The following SERPINI1 variants were observed in gnomAD, a reference collection of about 807,000 sequenced individuals.
The protein encoded by SERPINI1 is serpin family I member 1, also known as neuroserpin.
A neutral mutation model predicts 41.1 loss-of-function variants in SERPINI1; 19 were observed. That is an observed-to-expected ratio of 0.46 (90% CI 0.32 to 0.68). SERPINI1 has a LOEUF of 0.68. SERPINI1 is among the 30% of genes least tolerant of loss of function. The probability of loss-of-function intolerance (pLI) is 0.03; values close to 1 mark genes in which losing one functional copy is unlikely to be tolerated. For missense variants in SERPINI1, 460 were observed against 479.2 expected (o/e 0.96, Z 0.37); for synonymous variants, 138 against 156.6 (o/e 0.88, Z 0.89).
chr3:167,771,470 GTATATACATAAGATATCTCTGGAAGA>G (rs1418387302), intron 1 of SERPINI1, among the ~76,000 whole-genome samples: 1 of 152,166 alleles, frequency 6.6e-6, no homozygotes, highest in Non-Finnish European at 1.5e-5. Context: ...TACATATACT[GTATATACATAAGATATCTCTGGAAGA>G]TAACTTTGGT....
chr3:167,810,863 T>C (rs1711850632), intron 6 of SERPINI1, among the ~76,000 whole-genome samples: 1 of 152,190 alleles, frequency 6.6e-6, no homozygotes, highest in African/African-American at 2.4e-5. Flanking sequence ...TCTGTCATAG[T>C]TTAAGTCCTT....
intron 1 of SERPINI1, among the ~76,000 whole-genome samples, chr3:167,786,057 C>G (rs1025643175): frequency 1.3e-5 from 2 of 152,158 alleles, no homozygotes; most frequent in Admixed American, 6.5e-5. Flanking sequence ...CGTAGCTCCT[C>G]GGCTACAAAC....
At chr3:167,822,353 T>G (rs1361322634) in intron 6 of SERPINI1, among the ~76,000 whole-genome samples, 2 of 152,228 alleles carry the variant, frequency 1.3e-5, no homozygotes, top group Admixed American at 1.3e-4. Context: ...GCCATTACCT[T>G]AAAACAGGCA....
At chr3:167,736,299 GT>G (rs1305679741) in intron 1 of SERPINI1, among the ~76,000 whole-genome samples, 6 of 152,184 alleles carry the variant, frequency 3.9e-5, no homozygotes, top group African/African-American at 1.4e-4. Flanking sequence ...TTATTTTGCA[GT>G]TTCCTAGAAT....
At position 167,824,513 on chromosome 3, in the gene SERPINI1, A is replaced by G; in HGVS notation, c.1107A>G (p.Gln369=). The G allele has an allele frequency of 6.2e-7, 1 of 1,613,736 alleles. No individual in the cohort carries two copies. Among genetic ancestry groups the G allele is most frequent in the African/African-American group, 1.3e-5 (1 of 75,050 alleles). The part of the protein sequence containing the change: ...AISRMAVLYP[Q]VIVDHPFFFL... ...GTAGGATGGCTGTGCTGTATCCTCA[A>G]GTTATTGTCGACCATCCATTTTTCT... is the stretch of plus-strand genomic sequence containing the variant. Residue 369 remains glutamine, a synonymous_variant, in exon 8 of 9, where the codon CAA becomes CAG. Transcript: ENST00000446050.
intron 1 of SERPINI1, among the ~76,000 whole-genome samples, chr3:167,764,685 T>G (rs943157195): frequency 6.6e-6 from 1 of 152,164 alleles, no homozygotes; most frequent in African/African-American, 2.4e-5. Context: ...CATTTCAGCA[T>G]TAACTCCAAA....
intron 6 of SERPINI1, among the ~76,000 whole-genome samples, chr3:167,808,914 A>G (rs934201519): frequency 1.7e-4 from 26 of 152,218 alleles, no homozygotes; most frequent in Non-Finnish European, 2.9e-5. Flanking sequence ...TTTAGGATTG[A>G]ACGTGTTGTT....
At chr3:167,762,262 T>C (rs985184078) in intron 1 of SERPINI1, among the ~76,000 whole-genome samples, 2 of 151,938 alleles carry the variant, frequency 1.3e-5, no homozygotes, top group African/African-American at 4.8e-5. Flanking sequence ...TTCCCTCTCC[T>C]CTCCTCATGA....
At chr3:167,772,740 C>T (rs556526396) in intron 1 of SERPINI1, among the ~76,000 whole-genome samples, 2 of 146,594 alleles carry the variant, frequency 1.4e-5, no homozygotes, top group East Asian at 2.0e-4. Flanking sequence ...GTGGAGTGTA[C>T]CTATAGTATC....
At chr3:167,787,123 A>G (rs1337664991) in intron 1 of SERPINI1, among the ~76,000 whole-genome samples, 1 of 152,158 alleles carries the variant, frequency 6.6e-6, no homozygotes, top group Non-Finnish European at 1.5e-5. Flanking sequence ...GCACATGATC[A>G]GGTTAATCAA....
intron 1 of SERPINI1, among the ~76,000 whole-genome samples, chr3:167,740,038 T>G: frequency 6.9e-6 from 1 of 144,968 alleles, no homozygotes; most frequent in Admixed American, 6.9e-5. Flanking sequence ...TTTTGCCGCC[T>G]TTTTTTTTTT....
At chr3:167,823,171 T>C in intron 7 of SERPINI1, 99 bp downstream of exon 7, 1 of 830,152 alleles carries the variant, frequency 1.2e-6, no homozygotes, top group Non-Finnish European at 2.1e-6. Flanking sequence ...GCCAAAAAAG[T>C]CACTCTGCTC....
Position 167,824,554 on chromosome 3 carries a change from G to A in SERPINI1, c.1148G>A (p.Arg383Lys). Residue 383 changes from arginine to lysine, a missense_variant, in exon 8 of 9, where the codon AGG (arginine) becomes AAG (lysine). Arg to Lys is a conservative substitution (Grantham distance 26, BLOSUM62 2). Transcript: ENST00000446050. The part of the protein sequence containing the change: ...DHPFFFLIRN[R>K]RTGTILFMGR... ...CCATTTTTCTTTCTTATCAGAAACA[G>A]GAGAACTGGTAAGTTTATTATGAAA... is the stretch of plus-strand genomic sequence containing the variant. 2.5e-6 allele frequency: 4 copies of A among 1,609,802 alleles called. No homozygotes were observed. The highest frequency in any genetic ancestry group is 4.5e-5 in the East Asian group (2 of 44,786).
intron 1 of SERPINI1, among the ~76,000 whole-genome samples, chr3:167,763,476 C>T (rs1040623383): frequency 1.3e-5 from 2 of 151,864 alleles, no homozygotes; most frequent in Admixed American, 1.3e-4. Context: ...ACCTCCTAGG[C>T]TCAAGCAATC....
chr3:167,747,569 G>T (rs113673197), intron 1 of SERPINI1, among the ~76,000 whole-genome samples: 1 of 152,104 alleles, frequency 6.6e-6, no homozygotes, highest in Non-Finnish European at 1.5e-5. Context: ...GCGTGAACCC[G>T]GGAGGCGGAA....
intron 1 of SERPINI1, among the ~76,000 whole-genome samples, chr3:167,750,077 T>C (rs907800396): frequency 2.0e-5 from 3 of 152,216 alleles, no homozygotes; most frequent in Non-Finnish European, 4.4e-5. Flanking sequence ...TTTGTTAAAG[T>C]TTCATGCAAA....
At chr3:167,763,689 A>G (rs73035364) in intron 1 of SERPINI1, among the ~76,000 whole-genome samples, 7,413 of 152,178 alleles carry the variant, frequency 0.049, 595 homozygotes, top group African/African-American at 0.17. Flanking sequence ...CACCTGAAAT[A>G]TCCGTTAAAA....
chr3:167,747,953 C>A (rs2108532978), intron 1 of SERPINI1, among the ~76,000 whole-genome samples: 1 of 149,354 alleles, frequency 6.7e-6, no homozygotes, highest in South Asian at 2.1e-4. Context: ...TTTTTAATTT[C>A]AAAATGAAGG....
At chr3:167,778,264 G>T (rs1398641175) in intron 1 of SERPINI1, among the ~76,000 whole-genome samples, 1 of 152,180 alleles carries the variant, frequency 6.6e-6, no homozygotes, top group African/African-American at 2.4e-5. Flanking sequence ...CTTGCCTGCT[G>T]CACAGATAAA....
Sources: allele counts gnomAD v4.1 joint callset (sites outside exome capture counted in the v4.1 genomes callset), GRCh38; gene constraint gnomAD v4.1.1; transcripts MANE v1.5; gene names NCBI Gene and HGNC (gene_info 2026-07-23, HGNC 2026-07-21).